GLYATL1: variants seen among roughly 807,000 people sequenced by gnomAD.
GLYATL1 encodes glycine-N-acyltransferase like 1, also known as glycine N-acyltransferase-like protein 1.
Under a neutral mutation model 20.0 loss-of-function variants are expected in GLYATL1, and 15 were observed. That is an observed-to-expected ratio of 0.75 (90% CI 0.50 to 1.15). The LOEUF (loss-of-function observed/expected upper bound fraction) is 1.15, where lower values mean the gene tolerates loss of function less well. Ranked by LOEUF, GLYATL1 falls within the 50% of genes most tolerant of loss-of-function variation. GLYATL1 has a pLI of 0.00. For synonymous variants in GLYATL1, 151 were observed against 131.5 expected, an observed-to-expected ratio of 1.15 and a Z score of -1.01; for missense variants, 380 against 368.5, an observed-to-expected ratio of 1.03 and a Z score of -0.26.
Position 58,955,648 on chromosome 11 carries a change from C to A in GLYATL1, c.530C>A (p.Ser177Tyr), listed in dbSNP as rs1857352759. The part of the protein sequence containing the change: ...PNFKYAQLDV[S>Y]YSGLVNDNWK... ...TTTAAGTATGCCCAGCTGGATGTCT[C>A]TTATTCTGGGCTGGTAAATGACAAC... The change falls in exon 7 of 7, where the codon TCT becomes TAT. Residue 177 changes from serine (S) to tyrosine (Y), a missense_variant. By Grantham distance (144) the Ser-to-Tyr change is moderately radical. Transcript: ENST00000532726. 6.2e-7 allele frequency: 1 copy of A among 1,614,036 alleles called. No individual in the cohort carries two copies. The highest frequency in any genetic ancestry group is 1.1e-5 in the South Asian group (1 of 91,080).
intron 1 of GLYATL1, among the ~76,000 whole-genome samples, chr11:58,922,363 AC>A (rs773537732): frequency 6.6e-6 from 1 of 152,050 alleles, no homozygotes; most frequent in Non-Finnish European, 1.5e-5. Flanking sequence ...AGTTTAGGAG[AC>A]CAGTGGTTCA....
chr11:58,947,218 A>G, intron 3 of GLYATL1, 53 bp downstream of exon 3: 1 of 1,579,606 alleles, frequency 6.3e-7, no homozygotes, highest in South Asian at 1.1e-5. Context: ...TGAGGATGAG[A>G]AAATAGCAGG....
chr11:58,911,464 A>G (rs1855041217), downstream of GLYATL1, among the ~76,000 whole-genome samples: 1 of 152,214 alleles, frequency 6.6e-6, no homozygotes. Context: ...TGAGAGTTCC[A>G]GTTGTTTCAT....
chr11:58,939,483 T>G (rs1855988261), upstream of GLYATL1: 1 of 152,348 alleles, frequency 6.6e-6, no homozygotes, highest in Admixed American at 6.5e-5. Flanking sequence ...AGGAACACTT[T>G]GGCTCAGTTG....
upstream of GLYATL1, among the ~76,000 whole-genome samples, chr11:58,937,735 G>C (rs1437023437): frequency 6.6e-6 from 1 of 152,154 alleles, no homozygotes; most frequent in Non-Finnish European, 1.5e-5. Context: ...GATTCCCTAG[G>C]AAGTTTTCAG....
At chr11:58,920,324 T>C (rs902820826) in intron 1 of GLYATL1, among the ~76,000 whole-genome samples, 2 of 152,134 alleles carry the variant, frequency 1.3e-5, no homozygotes, top group African/African-American at 2.4e-5. Flanking sequence ...ACATGGAAAG[T>C]GGCAAAAGCA....
At chr11:58,938,590 C>G (rs576568267), upstream of GLYATL1, among the ~76,000 whole-genome samples, 1 of 152,216 alleles carries the variant, frequency 6.6e-6, no homozygotes, top group Admixed American at 6.5e-5. Context: ...AAGCTAGGCC[C>G]GGAGAGCCCT....
intron 1 of GLYATL1, among the ~76,000 whole-genome samples, chr11:58,914,094 G>A (rs1855112177): frequency 6.6e-6 from 1 of 152,142 alleles, no homozygotes; most frequent in Non-Finnish European, 1.5e-5. Flanking sequence ...GAAACACAAG[G>A]TTTGGTTCTG....
intron 4 of GLYATL1, among the ~76,000 whole-genome samples, chr11:58,951,083 C>T (rs1461713100): frequency 6.6e-6 from 1 of 151,900 alleles, no homozygotes. Context: ...ACTATGACTT[C>T]TGAGGTTTTG....
chr11:58,947,578 A>T (rs1249733850), intron 3 of GLYATL1: 13 of 481,598 alleles, frequency 2.7e-5, no homozygotes, highest in Non-Finnish European at 4.5e-5. Context: ...ACACTGAATA[A>T]ATCTATACAA....
At chr11:58,906,015 C>G (rs2134635730) in intron 1 of GLYATL1, among the ~76,000 whole-genome samples, 1 of 152,346 alleles carries the variant, frequency 6.6e-6, no homozygotes, top group South Asian at 2.1e-4. Flanking sequence ...GGGAAAAGTT[C>G]AGCTTAGACA....
chr11:58,955,211 G>C lies in GLYATL1; in HGVS notation c.349G>C (p.Ala117Pro), dbSNP rs993849066. 6 of 1,614,012 alleles carry C rather than the reference G, an allele frequency of 3.7e-6. No homozygotes were observed. The highest frequency in any genetic ancestry group is 5.1e-6 in the Non-Finnish European group (6 of 1,179,956). ...AAGTTTAGGTGAGGGGATAAGAGTG[G>C]CTACATTTTCAAAGTCAGTGAAAGT... ...QESLGEGIRVATFSKSVKVEH... is the reference protein window; with the variant it reads ...QESLGEGIRVPTFSKSVKVEH... Residue 117 changes from alanine to proline, a missense_variant, in exon 6 of 7, where the codon GCT becomes CCT. By Grantham distance (27) the Ala-to-Pro change is conservative. Transcript: ENST00000532726.
downstream of GLYATL1, among the ~76,000 whole-genome samples, chr11:58,911,903 A>G (rs1237587853): frequency 1.3e-5 from 2 of 152,200 alleles, no homozygotes; most frequent in Admixed American, 6.5e-5. Context: ...TAAATCTAAG[A>G]TCACAAAAAT....
At chr11:58,949,228 G>T (rs1450594692) in intron 4 of GLYATL1, among the ~76,000 whole-genome samples, 1 of 152,156 alleles carries the variant, frequency 6.6e-6, no homozygotes, top group Non-Finnish European at 1.5e-5. Context: ...TCATGTAGGT[G>T]TAAACGCTGA....
chr11:58,955,608 A>T lies in GLYATL1; in HGVS notation c.492-2A>T. 6.2e-7 allele frequency: 1 copy of T among 1,612,602 alleles called. No individual in the cohort carries two copies. Among genetic ancestry groups the T allele is most frequent in the Non-Finnish European group, 8.5e-7 (1 of 1,178,936 alleles). On this transcript the variant is annotated splice_acceptor_variant, in intron 6 of 6. Coordinates refer to ENST00000532726, the MANE Select transcript of GLYATL1 (RefSeq NM_001389712.2). LOFTEE classifies it high-confidence loss of function. ...TGTTGTCTTTCTTTTTGTTGTCTAC[A>T]GTGAAACTCCCAACTTTAAGTATGC...
At chr11:58,938,863 A>C (rs1855956585), upstream of GLYATL1, among the ~76,000 whole-genome samples, 1 of 152,178 alleles carries the variant, frequency 6.6e-6, no homozygotes, top group Admixed American at 6.5e-5. Flanking sequence ...CTGAAGTGTT[A>C]TAAGAAACTG....
chr11:58,919,211 C>T, intron 1 of GLYATL1, among the ~76,000 whole-genome samples: 1 of 152,208 alleles, frequency 6.6e-6, no homozygotes, highest in East Asian at 1.9e-4. Context: ...AATTAGTTCT[C>T]CTAGCTCACA....
upstream of GLYATL1, among the ~76,000 whole-genome samples, chr11:58,937,670 A>G (rs1855896390): frequency 6.6e-6 from 1 of 152,222 alleles, no homozygotes; most frequent in Non-Finnish European, 1.5e-5. Context: ...TATTATCCCT[A>G]GGAGGCAAAG....
At chr11:58,930,436 A>G (rs762120966) in intron 1 of GLYATL1, among the ~76,000 whole-genome samples, 1 of 152,218 alleles carries the variant, frequency 6.6e-6, no homozygotes, top group Non-Finnish European at 1.5e-5. Flanking sequence ...AAAAGAAGGG[A>G]ACAAAGCATA....
Sources: gnomAD v4.1 joint callset for allele counts (sites outside exome capture counted in the v4.1 genomes callset) on GRCh38, gnomAD v4.1.1 for gene constraint, MANE v1.5 for transcripts, NCBI Gene and HGNC (gene_info 2026-07-23, HGNC 2026-07-21) for gene names.